UVRAG: variants seen among roughly 807,000 people sequenced by gnomAD.
UVRAG encodes UV radiation resistance-associated gene protein.
UVRAG carries 19 observed loss-of-function variants against 78.0 expected under a neutral mutation model. That is an observed-to-expected ratio of 0.24 (90% confidence interval 0.17 to 0.36). The LOEUF (loss-of-function observed/expected upper bound fraction) is 0.36, where lower values mean the gene tolerates loss of function less well. UVRAG is among the 10% of genes least tolerant of loss of function. The pLI, the probability that UVRAG is intolerant of heterozygous loss-of-function variation, is 1.00. For synonymous variants in UVRAG, 323 were observed against 324.6 expected, an observed-to-expected ratio of 1.00 and a Z score of 0.05; for missense variants, 740 against 853.8, an observed-to-expected ratio of 0.87 and a Z score of 1.66.
At chr11:76,130,295 A>T (rs1277314847) in intron 14 of UVRAG, among the ~76,000 whole-genome samples, 1 of 152,172 alleles carries the variant, frequency 6.6e-6, no homozygotes, top group East Asian at 1.9e-4. Context: ...GTTGTTTGAC[A>T]TTGATGTATG....
At chr11:75,887,867 C>A (rs1355070166) in intron 4 of UVRAG, among the ~76,000 whole-genome samples, 1 of 152,054 alleles carries the variant, frequency 6.6e-6, no homozygotes, top group Non-Finnish European at 1.5e-5. Context: ...TACAGGCTAC[C>A]GGTGTCTGGC....
intron 5 of UVRAG, among the ~76,000 whole-genome samples, chr11:75,889,573 T>C (rs1257224971): frequency 6.6e-6 from 1 of 152,258 alleles, no homozygotes; most frequent in Non-Finnish European, 1.5e-5. Flanking sequence ...TATTCTACTA[T>C]GGTGTTCTAC....
At chr11:75,961,874 A>T (rs1306405244) in intron 7 of UVRAG, among the ~76,000 whole-genome samples, 1 of 152,194 alleles carries the variant, frequency 6.6e-6, no homozygotes, top group Non-Finnish European at 1.5e-5. Flanking sequence ...AGGAAAAAAA[A>T]AATGGGAGCT....
intron 1 of UVRAG, among the ~76,000 whole-genome samples, chr11:75,824,775 G>A (rs1025283833): frequency 3.3e-4 from 48 of 146,914 alleles, no homozygotes; most frequent in African/African-American, 1.1e-3. Context: ...CCGGGTTCAC[G>A]CCATTCTCCT....
At chr11:75,927,819 T>A (rs1384960775) in intron 6 of UVRAG, among the ~76,000 whole-genome samples, 5 of 152,196 alleles carry the variant, frequency 3.3e-5, no homozygotes, top group African/African-American at 1.2e-4. Context: ...AGTTTGGGCA[T>A]AGTGAGCAAA....
chr11:76,032,584 C>T (rs1459569699), intron 12 of UVRAG, among the ~76,000 whole-genome samples: 1 of 152,208 alleles, frequency 6.6e-6, no homozygotes, highest in African/African-American at 2.4e-5. Flanking sequence ...TGGCTCTGAA[C>T]TGGCATCAGG....
At chr11:76,137,507 A>T in intron 14 of UVRAG, 1 of 455,332 alleles carries the variant, frequency 2.2e-6, no homozygotes, top group South Asian at 1.6e-5. Context: ...AGAACTAAAA[A>T]TGGAGGGAAA....
intron 14 of UVRAG, chr11:76,137,451 T>C: frequency 2.2e-6 from 1 of 456,268 alleles, no homozygotes; most frequent in Non-Finnish European, 4.4e-6. Context: ...TTTTTTAAGA[T>C]GGTAAGAAAA....
rs116541025 is a variant in UVRAG, at chr11:76,073,266, C to T, written c.1305+7478C>T. Among the ~76,000 whole-genome samples, 662 of 152,276 alleles carry T rather than the reference C, an allele frequency of 4.3e-3. 2 individuals carry two copies. Among genetic ancestry groups the T allele is most frequent in the African/African-American group, 0.015 (630 of 41,550 alleles). On this transcript the variant is annotated intron_variant, in intron 13 of 14. Transcript: ENST00000356136. ...ACAGTGGTTGTTTCAAGGAAAAGCA[C>T]ATGTGCAATCGAGTTGCTAAGTGAA...
At chr11:75,894,144 C>T (rs1947287372) in intron 5 of UVRAG, among the ~76,000 whole-genome samples, 1 of 152,028 alleles carries the variant, frequency 6.6e-6, no homozygotes, top group South Asian at 2.1e-4. Context: ...ATCTGATAAA[C>T]CTATGTGTTT....
chr11:75,844,188 T>A (rs1945981579), intron 1 of UVRAG, among the ~76,000 whole-genome samples: 1 of 152,144 alleles, frequency 6.6e-6, no homozygotes, highest in Non-Finnish European at 1.5e-5. Context: ...AAAAAGTTGT[T>A]TGTATTCTAC....
chr11:75,928,959 A>AG, intron 6 of UVRAG, among the ~76,000 whole-genome samples: 5 of 150,976 alleles, frequency 3.3e-5, no homozygotes, highest in African/African-American at 1.2e-4. Flanking sequence ...AAAAAAAAAA[A>AG]AAAAAGAATT....
rs2134880621 is a variant in UVRAG at position 75,879,970 on chromosome 11, A to G, written c.362A>G (p.Lys121Arg). 1 of 1,614,186 alleles carries G rather than the reference A, an allele frequency of 6.2e-7. No homozygotes were observed. The highest frequency in any genetic ancestry group is 1.6e-4 in the Middle Eastern group (1 of 6,062). The part of the protein sequence containing the change: ...SCFVVKIWGG[K>R]ENIYQLLIEW... The stretch of plus-strand genomic sequence containing the variant: ...TTCGTGGTGAAGATATGGGGTGGAA[A>G]GGAGAACATCTACCAGCTGTTGATT... Residue 121 changes from lysine to arginine, a missense_variant, in exon 4 of 15, where the codon AAG becomes AGG. Lys to Arg is a conservative substitution (Grantham distance 26). Transcript: ENST00000356136.
chr11:76,098,498 A>T (rs1248281110), intron 13 of UVRAG, among the ~76,000 whole-genome samples: 1 of 152,174 alleles, frequency 6.6e-6, no homozygotes, highest in South Asian at 2.1e-4. Context: ...CATATATTTT[A>T]AAATGGCTTT....
intron 12 of UVRAG, among the ~76,000 whole-genome samples, chr11:76,054,063 T>A (rs1950931306): frequency 6.6e-6 from 1 of 152,144 alleles, no homozygotes; most frequent in African/African-American, 2.4e-5. Flanking sequence ...TTGCATAGTC[T>A]GGTACCTGCT....
chr11:75,999,538 A>G (rs1391916268), intron 8 of UVRAG, among the ~76,000 whole-genome samples: 1 of 151,432 alleles, frequency 6.6e-6, no homozygotes, highest in Admixed American at 6.6e-5. Flanking sequence ...ACACCACCAC[A>G]CCCGGCTAAT....
chr11:76,137,184 C>A, intron 14 of UVRAG: 1 of 368,260 alleles, frequency 2.7e-6, no homozygotes, highest in Non-Finnish European at 5.4e-6. Context: ...ACTTTGCACA[C>A]AATTTTCAGG....
intron 12 of UVRAG, among the ~76,000 whole-genome samples, chr11:76,026,356 C>T (rs1196069893): frequency 6.6e-6 from 1 of 152,114 alleles, no homozygotes; most frequent in Non-Finnish European, 1.5e-5. Flanking sequence ...TTAAGAATTA[C>T]ATATTCCTTC....
intron 7 of UVRAG, among the ~76,000 whole-genome samples, chr11:75,970,159 A>G (rs898758070): frequency 6.6e-6 from 1 of 152,228 alleles, no homozygotes; most frequent in Non-Finnish European, 1.5e-5. Flanking sequence ...GCAGGCACAG[A>G]CATATTCATT....
Sources: allele counts gnomAD v4.1 joint callset (sites outside exome capture counted in the v4.1 genomes callset), GRCh38; gene constraint gnomAD v4.1.1; transcripts MANE v1.5; gene names NCBI Gene and HGNC (gene_info 2026-07-23, HGNC 2026-07-21).